The following ASTN2 variants were observed in gnomAD, a reference collection of about 807,000 sequenced individuals.
ASTN2 encodes the protein astrotactin 2.
A neutral mutation model predicts 139.8 loss-of-function variants in ASTN2; 54 were observed. The observed-to-expected ratio is 0.39, with a 90% CI of 0.31 to 0.48. The LOEUF is 0.48. ASTN2 is among the 20% of genes least tolerant of loss of function. The pLI is 0.95. For synonymous variants in ASTN2, 756 were observed against 719.5 expected (o/e 1.05, Z -0.81); for missense variants, 1,565 against 1,725.1 (o/e 0.91, Z 1.64).
intron 10 of ASTN2, among the ~76,000 whole-genome samples, chr9:116,952,977 C>T (rs1180609933): frequency 2.6e-5 from 4 of 152,176 alleles, no homozygotes; most frequent in Non-Finnish European, 4.4e-5. Flanking sequence ...TCCCACAGTG[C>T]GACCTTGGGC....
chr9:117,181,121 A>G lies in ASTN2; in HGVS notation c.1015+33237T>C, dbSNP rs946228312. 3.4e-6 allele frequency: 3 copies of G among 873,518 alleles called. No individual in the cohort carries two copies. The African/African-American group carries it at 4.9e-5, about 14-fold the overall frequency. 54.1% of individuals were successfully genotyped at this position (873,518 alleles called of 1,614,324 possible). On this transcript the variant is annotated intron_variant, in intron 3 of 22. Coordinates refer to ENST00000313400, the MANE Select transcript of ASTN2 (RefSeq NM_001365068.1). ...ATACAACAAACAGGCTGCATACACT[A>G]CCAAGAAAGCTGCTGTTTGCAGCCA...
chr9:116,851,486 CTATCTATCT>C (rs1832602599), intron 11 of ASTN2, among the ~76,000 whole-genome samples: 1 of 89,414 alleles, frequency 1.1e-5, no homozygotes, highest in Admixed American at 1.1e-4. Flanking sequence ...ATCTATCTAT[CTATCTATCT>C]ATCTATCTAT....
chr9:116,485,637 G>A (rs753792321), intron 20 of ASTN2, among the ~76,000 whole-genome samples: 5 of 152,086 alleles, frequency 3.3e-5, no homozygotes, highest in Admixed American at 6.5e-5. Context: ...AAGGCCTAAG[G>A]TACATCTTAA....
At chr9:116,531,737 TGC>T (rs1162136673) in intron 19 of ASTN2, among the ~76,000 whole-genome samples, 1 of 152,220 alleles carries the variant, frequency 6.6e-6, no homozygotes, top group Non-Finnish European at 1.5e-5. Context: ...GGTGTATATG[TGC>T]CACATTTTCT....
intron 19 of ASTN2, among the ~76,000 whole-genome samples, chr9:116,597,520 G>C: frequency 6.6e-6 from 1 of 151,772 alleles, no homozygotes; most frequent in Non-Finnish European, 1.5e-5. Flanking sequence ...TTGATCTCCT[G>C]ACCTCATGAT....
intron 7 of ASTN2, among the ~76,000 whole-genome samples, chr9:116,977,508 G>A (rs1391136040): frequency 2.6e-5 from 4 of 151,478 alleles, no homozygotes; most frequent in Admixed American, 2.0e-4. Context: ...CTTACGCTTG[G>A]TTGCATGAAT....
rs368315784 is a variant in ASTN2 at position 117,141,206 on chromosome 9, A to G, written c.1168+120T>C. 96 of 1,084,094 alleles carry G rather than the reference A, an allele frequency of 8.9e-5. No homozygotes were observed. In the African/African-American group the frequency reaches 1.3e-3, roughly 15 times the overall value. The allele number at this position is 1,084,094 out of a possible 1,614,324, so 67.2% of individuals were successfully genotyped here. A position where few individuals can be genotyped will look rare whatever the true frequency, so the allele number is the denominator to read the frequency against. ...CCTCCAAGGGGATTTATCAGGGAGA[A>G]AGTGGCACAAGTTTTATGAGCACAG... On this transcript the variant is annotated intron_variant, in intron 4 of 22. Transcript: ENST00000313400.
chr9:116,728,835 C>T (rs1828700938), intron 15 of ASTN2, among the ~76,000 whole-genome samples, 157 bp downstream of exon 15: 1 of 152,132 alleles, frequency 6.6e-6, no homozygotes, highest in African/African-American at 2.4e-5. Context: ...AGACTCCTGT[C>T]CACCCACCCT....
intron 2 of ASTN2, among the ~76,000 whole-genome samples, chr9:117,280,911 T>G (rs887342868): frequency 1.1e-4 from 16 of 152,184 alleles, no homozygotes; most frequent in Non-Finnish European, 1.6e-4. Flanking sequence ...GTGGATCTTG[T>G]CAGTAGTAAT....
chr9:117,273,871 C>T (rs954464331), intron 2 of ASTN2, among the ~76,000 whole-genome samples: 2 of 152,204 alleles, frequency 1.3e-5, no homozygotes, highest in Non-Finnish European at 2.9e-5. Context: ...CCTCCTGGTG[C>T]AGAAATGATG....
At chr9:116,900,127 C>A (rs1833970743) in intron 10 of ASTN2, among the ~76,000 whole-genome samples, 1 of 152,172 alleles carries the variant, frequency 6.6e-6, no homozygotes, top group Admixed American at 6.5e-5. Context: ...ACTGAATCTG[C>A]ATTTATTAAA....
Position 117,079,096 on chromosome 9 carries a change from C to A in ASTN2, c.1276+16948G>T, listed in dbSNP as rs576217908. On this transcript the variant is annotated intron_variant, in intron 5 of 22. Coordinates refer to ENST00000313400, the MANE Select transcript of ASTN2 (RefSeq NM_001365068.1). ...GATGGTCGGGTGCAGTGAATCACAC[C>A]TGTAATCCCAGTACATTGAGAGGCC... Among the ~76,000 whole-genome samples the A allele has an allele frequency of 4.6e-5, 7 of 152,298 alleles. 1 individual carries two copies. In the South Asian group the frequency reaches 1.5e-3, roughly 32 times the overall value.
At chr9:116,433,320 C>T (rs1547123) in intron 22 of ASTN2, among the ~76,000 whole-genome samples, 141,063 of 152,298 alleles carry the variant, frequency 0.93, 65,353 homozygotes, top group East Asian at 0.97. Context: ...CAGAAACAGG[C>T]AGATAACAGA....
intron 2 of ASTN2, among the ~76,000 whole-genome samples, chr9:117,270,358 T>G (rs1834035053): frequency 6.6e-6 from 1 of 152,146 alleles, no homozygotes; most frequent in South Asian, 2.1e-4. Flanking sequence ...CTCCCTCTAG[T>G]CTCTGGAAAT....
intron 16 of ASTN2, among the ~76,000 whole-genome samples, chr9:116,673,849 G>A (rs896047158): frequency 6.6e-6 from 1 of 152,134 alleles, no homozygotes; most frequent in Non-Finnish European, 1.5e-5. Context: ...CTTTGTTACT[G>A]CAACCTTAGC....
At chr9:117,143,518 A>C (rs768825859) in intron 3 of ASTN2, among the ~76,000 whole-genome samples, 1 of 152,348 alleles carries the variant, frequency 6.6e-6, no homozygotes. Context: ...TCATTCATTC[A>C]TTTCTCCACT....
At chr9:116,595,595 G>T (rs1027909122) in intron 19 of ASTN2, among the ~76,000 whole-genome samples, 4 of 152,104 alleles carry the variant, frequency 2.6e-5, no homozygotes, top group African/African-American at 9.7e-5. Context: ...AAAGTGCTGG[G>T]ATTATAGGCG....
chr9:116,581,528 C>T (rs887460236), intron 19 of ASTN2, among the ~76,000 whole-genome samples: 1 of 152,124 alleles, frequency 6.6e-6, no homozygotes, highest in Admixed American at 6.6e-5. Context: ...ACCTTTAACC[C>T]GACAACCCCC....
chr9:117,237,316 G>A (rs146544438), intron 2 of ASTN2, among the ~76,000 whole-genome samples: 1 of 152,246 alleles, frequency 6.6e-6, no homozygotes, highest in East Asian at 1.9e-4. Flanking sequence ...TTGGAAGCAG[G>A]TCTGAGTTCT....
Sources: allele counts gnomAD v4.1 joint callset (sites outside exome capture counted in the v4.1 genomes callset), GRCh38; gene constraint gnomAD v4.1.1; transcripts MANE v1.5; gene names NCBI Gene and HGNC (gene_info 2026-07-23, HGNC 2026-07-21).